The following CFAP99 variants were observed in gnomAD, a reference collection of about 807,000 sequenced individuals.
CFAP99 encodes the protein cilia and flagella associated protein 99.
Under a neutral mutation model 82.7 loss-of-function variants are expected in CFAP99, and 84 were observed. The observed-to-expected ratio is 1.02, with a 90% CI of 0.85 to 1.22. The LOEUF (loss-of-function observed/expected upper bound fraction) is 1.22, where lower values mean the gene tolerates loss of function less well. CFAP99 is among the 50% of genes most tolerant of loss of function. CFAP99 has a pLI of 0.00. For missense variants in CFAP99, 1,059 were observed against 983.5 expected, an observed-to-expected ratio of 1.08 and a Z score of -1.03; for synonymous variants, 456 against 429.5, an observed-to-expected ratio of 1.06 and a Z score of -0.76.
intron 12 of CFAP99, 109 bp from the exon 13 acceptor site, chr4:2,458,998 C>A: frequency 1.4e-6 from 2 of 1,444,992 alleles, no homozygotes; most frequent in Non-Finnish European, 1.8e-6. Flanking sequence ...TCCCAGGTGG[C>A]CGCACTGAGG....
chr4:2,452,998 G>C (rs1014587921), intron 11 of CFAP99, among the ~76,000 whole-genome samples: 1 of 152,208 alleles, frequency 6.6e-6, no homozygotes. Context: ...GGAAGGTCAA[G>C]GTTGCAGTGA....
At chr4:2,456,602 C>T (rs1560389558) in intron 11 of CFAP99, among the ~76,000 whole-genome samples, 1 of 152,210 alleles carries the variant, frequency 6.6e-6, no homozygotes, top group Admixed American at 6.5e-5. Context: ...TCACCACAAC[C>T]TCTGCCTCCT....
intron 2 of CFAP99, chr4:2,427,896 G>A: frequency 6.6e-6 from 1 of 152,550 alleles, no homozygotes; most frequent in Non-Finnish European, 1.5e-5. Flanking sequence ...ACCCATCCCT[G>A]CTCCCAGCTT....
At chr4:2,426,371 C>T (rs1464376036) in intron 1 of CFAP99, 88 bp from the exon 2 acceptor site, 4 of 819,376 alleles carry the variant, frequency 4.9e-6, no homozygotes, top group Non-Finnish European at 8.0e-6. Context: ...ACAGGCCCAA[C>T]ACCCTGGCAG....
intron 2 of CFAP99, among the ~76,000 whole-genome samples, chr4:2,433,997 A>T (rs1733854047): frequency 6.6e-6 from 1 of 152,088 alleles, no homozygotes; most frequent in Non-Finnish European, 1.5e-5. Flanking sequence ...TCAAAAAGAG[A>T]CTTGAAGGGG....
At chr4:2,433,254 A>G (rs916031373) in intron 2 of CFAP99, among the ~76,000 whole-genome samples, 5 of 152,116 alleles carry the variant, frequency 3.3e-5, no homozygotes, top group African/African-American at 1.2e-4. Flanking sequence ...CCAAACACAG[A>G]CGTCATTGAT....
At chr4:2,456,865 T>C (rs1734448414) in intron 11 of CFAP99, among the ~76,000 whole-genome samples, 1 of 152,016 alleles carries the variant, frequency 6.6e-6, no homozygotes, top group Non-Finnish European at 1.5e-5. Context: ...TAACCCAGAA[T>C]AGCTGTACTA....
chr4:2,453,557 T>C (rs1407790032), intron 11 of CFAP99, among the ~76,000 whole-genome samples: 4 of 152,252 alleles, frequency 2.6e-5, no homozygotes, highest in African/African-American at 9.6e-5. Flanking sequence ...CGTGAATTTG[T>C]GCCAATTTCA....
chr4:2,462,769 G>C lies in CFAP99; in HGVS notation c.1988G>C (p.Gly663Ala). The change falls in exon 15 of 15, where the codon GGG becomes GCG. Residue 663 changes from glycine (G) to alanine (A), a missense_variant. Physicochemically the swap from Gly to Ala is moderately conservative, Grantham distance 60. Transcript: ENST00000635017. The surrounding 1 kb of genome is among the most constrained non-coding windows in gnomAD (Gnocchi z 4.1). ...GCAGCGGCGGGCGCGGGAGGCGGTGGGGGCGTCCCTGCCCGCGCCGACGCG... is the reference window on the plus strand; with the variant it reads ...GCAGCGGCGGGCGCGGGAGGCGGTGCGGGCGTCCCTGCCCGCGCCGACGCG... The C allele has an allele frequency of 8.0e-7, 1 of 1,256,038 alleles. No homozygotes were observed. The highest frequency in any genetic ancestry group is 1.0e-6 in the Non-Finnish European group (1 of 998,782). The allele number at this position is 1,256,038 out of a possible 1,614,324, so 77.8% of individuals were successfully genotyped here.
intron 14 of CFAP99, among the ~76,000 whole-genome samples, chr4:2,461,401 T>G (rs1215212502): frequency 2.0e-5 from 3 of 152,188 alleles, no homozygotes; most frequent in African/African-American, 7.2e-5. Flanking sequence ...TAATCATTGC[T>G]GATGGAAGAG....
Position 2,451,252 on chromosome 4 carries a change from C to T in CFAP99, c.868-12C>T. The T allele has an allele frequency of 6.5e-7, 1 of 1,535,982 alleles. No homozygotes were observed. Among genetic ancestry groups the T allele is most frequent in the Non-Finnish European group, 8.7e-7 (1 of 1,146,826 alleles). ...CTCAAGCCCCCACCACAGCCAGTCCCCAATCCCGCAGCCTGACAACATCCT... is the reference window on the plus strand; with the variant it reads ...CTCAAGCCCCCACCACAGCCAGTCCTCAATCCCGCAGCCTGACAACATCCT... On this transcript the variant is annotated splice_polypyrimidine_tract_variant and intron_variant, in intron 9 of 14. Coordinates refer to ENST00000635017, the Ensembl canonical transcript of CFAP99.
rs564872452 is a variant in CFAP99, at chr4:2,437,550, G to A, written c.257-520G>A. Among the ~76,000 whole-genome samples, 3 of 152,300 alleles carry A rather than the reference G, an allele frequency of 2.0e-5. No individual in the cohort carries two copies. The South Asian group carries it at 6.2e-4, about 32-fold the overall frequency. On this transcript the variant is annotated intron_variant, in intron 3 of 14. Transcript: ENST00000635017. ...GTCTTGCTGCCCCCGTCCAGGAAGG[G>A]AGAGGAGTGGGGCGAGCGCTGTAGG...
chr4:2,442,448 T>TGG (rs754556717), intron 4 of CFAP99, among the ~76,000 whole-genome samples: 4 of 151,714 alleles, frequency 2.6e-5, no homozygotes, highest in Non-Finnish European at 5.9e-5. Flanking sequence ...GGGAGGCTGC[T>TGG]GGGGAGGGTG....
At chr4:2,460,612 A>G (rs532387975) in intron 14 of CFAP99, among the ~76,000 whole-genome samples, 2 of 152,366 alleles carry the variant, frequency 1.3e-5, no homozygotes, top group Admixed American at 1.3e-4. Context: ...CATCTTCTAA[A>G]AAAATAGATC....
At chr4:2,450,054 A>G in intron 8 of CFAP99, 49 bp downstream of exon 8, 3 of 1,520,488 alleles carry the variant, frequency 2.0e-6, no homozygotes, top group Non-Finnish European at 2.6e-6. Flanking sequence ...CATCTTCTCA[A>G]GCCATCAGAA....
intron 3 of CFAP99, 56 bp from the exon 4 acceptor site, chr4:2,438,014 G>T: frequency 1.9e-6 from 2 of 1,063,026 alleles, no homozygotes; most frequent in Non-Finnish European, 2.7e-6. Context: ...CGGTCCCGCC[G>T]TGTGCCTGGT....
chr4:2,441,637 T>C (rs1016162949), intron 4 of CFAP99, among the ~76,000 whole-genome samples: 37 of 152,322 alleles, frequency 2.4e-4, no homozygotes, highest in African/African-American at 8.9e-4. Context: ...CAGATCCATG[T>C]GAATTGCCCA....
intron 4 of CFAP99, among the ~76,000 whole-genome samples, chr4:2,442,729 C>T (rs1175085193): frequency 2.6e-5 from 4 of 152,168 alleles, no homozygotes; most frequent in Non-Finnish European, 4.4e-5. Context: ...TCTCAGGCAC[C>T]CCCTCCCCAC....
intron 4 of CFAP99, 73 bp downstream of exon 4, chr4:2,438,237 C>A: frequency 2.3e-6 from 2 of 869,480 alleles, no homozygotes; most frequent in South Asian, 1.4e-5. Flanking sequence ...GCCCACCTTT[C>A]GTCATTCTGG....
Sources: allele counts gnomAD v4.1 joint callset (sites outside exome capture counted in the v4.1 genomes callset), GRCh38; gene constraint gnomAD v4.1.1; non-coding constraint Gnocchi (gnomAD v3.1); transcripts MANE v1.5; gene names NCBI Gene and HGNC (gene_info 2026-07-23, HGNC 2026-07-21).